RBM5: variants seen among roughly 807,000 people sequenced by gnomAD.
RBM5 encodes the protein RNA-binding protein 5.
A neutral mutation model predicts 124.6 loss-of-function variants in RBM5; 15 were observed. The observed-to-expected ratio is 0.12, with a 90% CI of 0.08 to 0.19. RBM5 has a LOEUF of 0.19. Ranked by LOEUF, RBM5 falls within the 10% of genes least tolerant of loss-of-function variation. The pLI is 1.00. For synonymous variants in RBM5, 337 were observed against 361.2 expected (o/e 0.93, Z 0.76); for missense variants, 580 against 1,026.5 (o/e 0.57, Z 5.94).
Position 50,109,717 on chromosome 3 carries a change from C to T in RBM5, c.1278+29C>T, listed in dbSNP as rs756542533. On this transcript the variant is annotated intron_variant, in intron 15 of 24. Coordinates refer to ENST00000347869, the MANE Select transcript of RBM5 (RefSeq NM_005778.4). Reference sequence around the variant, plus strand: ...ATCCTGTTGTCCTATATACAAAACTCGTGGCTGATGGGGAAATTTTGTTTT... The same window carrying T: ...ATCCTGTTGTCCTATATACAAAACTTGTGGCTGATGGGGAAATTTTGTTTT... 55 of 1,583,014 alleles carry T rather than the reference C, an allele frequency of 3.5e-5. No homozygotes were observed. The Admixed American group carries it at 3.8e-4, about 11-fold the overall frequency.
At chr3:50,115,658 A>T (rs2091234024) in intron 21 of RBM5, 51 bp downstream of exon 21, 1 of 1,553,770 alleles carries the variant, frequency 6.4e-7, no homozygotes, top group African/African-American at 1.4e-5. Flanking sequence ...GCAGTGAGAC[A>T]ATTTGAGTGC....
At chr3:50,092,309 C>G in intron 3 of RBM5, 101 bp downstream of exon 3, 1 of 1,330,200 alleles carries the variant, frequency 7.5e-7, no homozygotes, top group Non-Finnish European at 1.0e-6. Context: ...TTCCCATAAT[C>G]CTATCACTTT....
chr3:50,103,049 C>T (rs775285941), intron 6 of RBM5, 34 bp from the exon 7 acceptor site: 1 of 1,495,602 alleles, frequency 6.7e-7, no homozygotes, highest in Non-Finnish European at 9.3e-7. Flanking sequence ...ATGTTCCTCA[C>T]AATGGGAATA....
At chr3:50,110,647 G>A in intron 16 of RBM5, 32 bp from the exon 17 acceptor site, 1 of 1,573,492 alleles carries the variant, frequency 6.4e-7, no homozygotes, top group Non-Finnish European at 8.7e-7. Flanking sequence ...TTCTTACCTG[G>A]AATGACTGTA....
At position 50,114,000 on chromosome 3, in the gene RBM5, A is replaced by G. The variant is rs1357124831; in HGVS notation, c.1668A>G (p.Glu556=). Reference sequence around the variant, plus strand: ...CTAAGAGTTTGAATAAGCAGAAAGAAAACTTTAAAAATAGCTTTCAGCCTG... The same window carrying G: ...CTAAGAGTTTGAATAAGCAGAAAGAGAACTTTAAAAATAGCTTTCAGCCTG... ...RWAKSLNKQK[E]NFKNSFQPVN... is the part of the protein sequence containing the mutation. Residue 556 remains glutamate (E), a synonymous_variant, in exon 19 of 25, where the codon GAA becomes GAG. Transcript: ENST00000347869. 4.3e-6 allele frequency: 7 copies of G among 1,614,094 alleles called. No individual in the cohort carries two copies. Among genetic ancestry groups the G allele is most frequent in the Non-Finnish European group, 5.9e-6 (7 of 1,180,046 alleles).
At chr3:50,095,059 G>A (rs1468787914) in intron 4 of RBM5, among the ~76,000 whole-genome samples, 1 of 152,112 alleles carries the variant, frequency 6.6e-6, no homozygotes, top group African/African-American at 2.4e-5. Context: ...TTAGCTAGGT[G>A]TGGTGGTGCA....
intron 4 of RBM5, 21 bp downstream of exon 4, chr3:50,093,896 T>C (rs1343549187): frequency 6.3e-6 from 10 of 1,589,372 alleles, no homozygotes; most frequent in East Asian, 4.5e-5. Flanking sequence ...ATGACAGTTA[T>C]AACCAGCAGT....
In RBM5 at chr3:50,118,645, G is replaced by A; in HGVS notation, c.*189G>A. 1.2e-6 allele frequency: 1 copy of A among 868,684 alleles called. No homozygotes were observed. Among genetic ancestry groups the A allele is most frequent in the Non-Finnish European group, 1.7e-6 (1 of 577,924 alleles). The allele number at this position is 868,684 out of a possible 1,614,324, so 53.8% of individuals were successfully genotyped here. On this transcript the variant is annotated 3_prime_UTR_variant, in exon 25 of 25. Coordinates refer to ENST00000347869, the MANE Select transcript of RBM5 (RefSeq NM_005778.4). ...CCTTATGTGGGTTGCCTGGTGAATG[G>A]CCTTCCTTCCCGCCAGAGGGCTTGT... is the stretch of plus-strand genomic sequence containing the variant.
chr3:50,093,644 T>A, intron 3 of RBM5, 76 bp from the exon 4 acceptor site: 1 of 1,463,672 alleles, frequency 6.8e-7, no homozygotes, highest in Non-Finnish European at 9.4e-7. Context: ...CTGCTAAGGA[T>A]AATTTCTAGG....
intron 2 of RBM5, among the ~76,000 whole-genome samples, chr3:50,091,359 C>T (rs1575929665): frequency 6.6e-6 from 1 of 152,148 alleles, no homozygotes; most frequent in Non-Finnish European, 1.5e-5. Flanking sequence ...ATCTGGTAAA[C>T]AGTTTACAAA....
At chr3:50,097,762 A>C (rs1413415003) in intron 4 of RBM5, among the ~76,000 whole-genome samples, 3 of 152,158 alleles carry the variant, frequency 2.0e-5, no homozygotes, top group African/African-American at 7.2e-5. Context: ...GAACTTTGAA[A>C]ATTTTTACCA....
At chr3:50,089,407 A>G (rs2090659733) in intron 1 of RBM5, among the ~76,000 whole-genome samples, 1 of 152,122 alleles carries the variant, frequency 6.6e-6, no homozygotes, top group Admixed American at 6.5e-5. Flanking sequence ...CTCTCCGAAA[A>G]GCTGTTCGGT....
intron 21 of RBM5, 74 bp from the exon 22 acceptor site, chr3:50,115,832 A>T: frequency 7.4e-7 from 1 of 1,357,868 alleles, no homozygotes; most frequent in Middle Eastern, 1.8e-4. Context: ...AGTACAGTAG[A>T]TGTTACTAAT....
intron 17 of RBM5, among the ~76,000 whole-genome samples, chr3:50,111,350 C>T (rs1481859333): frequency 6.6e-6 from 1 of 152,206 alleles, no homozygotes; most frequent in Admixed American, 6.6e-5. Context: ...ACCTGTTAAA[C>T]AGTCACTCCC....
Position 50,118,366 on chromosome 3 carries a change from C to A in RBM5, c.2358C>A (p.Ala786=), listed in dbSNP as rs773403764. The A allele has an allele frequency of 3.1e-6, 5 of 1,614,052 alleles. No individual in the cohort carries two copies. The highest frequency in any genetic ancestry group is 4.2e-6 in the Non-Finnish European group (5 of 1,180,030). ...GGCTAAAGGGAGCTGGCCTAGGAGC[C>A]AAAGGCAGCGCATATGGTTTGTCGG... is the stretch of plus-strand genomic sequence containing the variant. The part of the protein sequence containing the change: ...QVRLKGAGLG[A]KGSAYGLSGA... The change falls in exon 25 of 25, where the codon GCC becomes GCA. Residue 786 remains alanine, a synonymous_variant. Transcript: ENST00000347869.
intron 17 of RBM5, chr3:50,110,975 C>A: frequency 1.8e-6 from 1 of 541,250 alleles, no homozygotes; most frequent in Non-Finnish European, 3.2e-6. Flanking sequence ...ATAATATACA[C>A]ACAAAAAAAT....
intron 6 of RBM5, chr3:50,101,553 C>A (rs1302701361): frequency 6.6e-6 from 1 of 152,146 alleles, no homozygotes; most frequent in Non-Finnish European, 1.5e-5. Flanking sequence ...GAAATCACAG[C>A]CTGATTTTAT....
chr3:50,108,527 T>G (rs915658403), intron 14 of RBM5, among the ~76,000 whole-genome samples: 6 of 152,058 alleles, frequency 3.9e-5, no homozygotes, highest in Non-Finnish European at 7.4e-5. Context: ...GCCAACATGG[T>G]GAAACCCCAT....
intron 2 of RBM5, among the ~76,000 whole-genome samples, chr3:50,091,169 A>G (rs1480476729): frequency 2.0e-5 from 3 of 152,176 alleles, no homozygotes; most frequent in South Asian, 2.1e-4. Flanking sequence ...TTCATGTCAC[A>G]TGGTATTTTA....
Sources: gnomAD v4.1 joint callset for allele counts (sites outside exome capture counted in the v4.1 genomes callset) on GRCh38, gnomAD v4.1.1 for gene constraint, MANE v1.5 for transcripts, NCBI Gene and HGNC (gene_info 2026-07-23, HGNC 2026-07-21) for gene names.